Variants in CASD1 observed in about 807,000 individuals in gnomAD.
CASD1 encodes the protein N-acetylneuraminate (7)9-O-acetyltransferase.
CASD1 carries 41 observed loss-of-function variants against 100.0 expected under a neutral mutation model. The observed-to-expected ratio is 0.41, with a 90% CI of 0.32 to 0.53. The LOEUF (loss-of-function observed/expected upper bound fraction) is 0.53, where lower values mean the gene tolerates loss of function less well. Among genes scored for constraint, CASD1 ranks in the 20% least tolerant of loss-of-function variants. The pLI, the probability that CASD1 is intolerant of heterozygous loss-of-function variation, is 0.25. For missense variants in CASD1, 774 were observed against 948.7 expected, an observed-to-expected ratio of 0.82 and a Z score of 2.42; for synonymous variants, 321 against 315.6, an observed-to-expected ratio of 1.02 and a Z score of -0.18.
At chr7:94,557,476 T>G (rs972054550), downstream of CASD1, among the ~76,000 whole-genome samples, 2 of 152,120 alleles carry the variant, frequency 1.3e-5, no homozygotes, top group African/African-American at 4.8e-5. Context: ...GTGATCACAT[T>G]ATTCTTGTTC....
intron 5 of CASD1, among the ~76,000 whole-genome samples, chr7:94,532,356 AAAATAGGGGTT>A (rs1333956563): frequency 5.9e-5 from 9 of 152,116 alleles, no homozygotes; most frequent in Non-Finnish European, 1.2e-4. Context: ...ATTATTGAGT[AAAATAGGGGTT>A]ACTTTAACAC....
chr7:94,566,267 A>G, the CASD1 span, among the ~76,000 whole-genome samples: 1 of 152,224 alleles, frequency 6.6e-6, no homozygotes, highest in Admixed American at 6.5e-5. Flanking sequence ...GAAAATTCTT[A>G]GTACAGTGTA....
At chr7:94,523,247 G>A (rs1459682894) in intron 3 of CASD1, among the ~76,000 whole-genome samples, 1 of 152,096 alleles carries the variant, frequency 6.6e-6, no homozygotes, top group Admixed American at 6.5e-5. Flanking sequence ...GAAATAAACT[G>A]AGGAGTTCAT....
the CASD1 span, chr7:94,623,644 T>C: frequency 3.4e-3 from 1,689 of 493,384 alleles, 31 homozygotes; most frequent in African/African-American, 0.03. Context: ...GACTCTTTCA[T>C]AGAAGGCCAT....
rs370344574 is a variant in CASD1 at position 94,552,422 on chromosome 7, G to T, written c.2029G>T (p.Val677Leu). ...CNELHPSVSV[V>L]QILAFILIRN... ...TGAACTCCATCCGTCTGTTTCTGTG[G>T]TACAGGTACTATCTTGATTTAGAGA... Residue 677 changes from valine (V) to leucine (L), a missense_variant, in exon 16 of 18, where the codon GTA (valine) becomes TTA (leucine). By Grantham distance (32) the Val-to-Leu change is conservative. Transcript: ENST00000297273. The T allele has an allele frequency of 3.9e-5, 62 of 1,602,346 alleles. No individual in the cohort carries two copies. Among genetic ancestry groups the T allele is most frequent in the Non-Finnish European group, 5.3e-5 (62 of 1,175,726 alleles).
the CASD1 span, chr7:94,600,969 T>C: frequency 4.5e-6 from 4 of 894,528 alleles, no homozygotes; most frequent in Non-Finnish European, 7.1e-6. Context: ...AAAGCCATCT[T>C]TTCCAATTAC....
chr7:94,545,797 G>T, intron 12 of CASD1, 96 bp downstream of exon 12: 2 of 701,836 alleles, frequency 2.8e-6, no homozygotes, highest in Non-Finnish European at 4.4e-6. Context: ...ATTAAGTGAT[G>T]TAGACAGTTT....
At chr7:94,590,707 A>T in the CASD1 span, 13 of 152,168 alleles carry the variant, frequency 8.5e-5, no homozygotes, top group Non-Finnish European at 1.5e-4. Flanking sequence ...GATAAATGTG[A>T]GGTTGCCTGG....
At chr7:94,620,386 A>C in the CASD1 span, 1 of 152,114 alleles carries the variant, frequency 6.6e-6, no homozygotes, top group African/African-American at 2.4e-5. Context: ...ATTTTGTTAG[A>C]TTTCCTTAAT....
chr7:94,588,186 T>C, the CASD1 span: 50 of 1,079,570 alleles, frequency 4.6e-5, no homozygotes, highest in Non-Finnish European at 5.5e-5. Flanking sequence ...CCAAGGAGAA[T>C]TGTCCGCCAT....
chr7:94,601,245 C>T, the CASD1 span, among the ~76,000 whole-genome samples: 1 of 151,324 alleles, frequency 6.6e-6, no homozygotes, highest in Non-Finnish European at 1.5e-5. Context: ...TTTACCAAAC[C>T]TAAAACTGGC....
At chr7:94,610,809 A>G in the CASD1 span, among the ~76,000 whole-genome samples, 17 of 152,340 alleles carry the variant, frequency 1.1e-4, no homozygotes, top group Admixed American at 9.8e-4. Context: ...TTAATCAAAA[A>G]ATGAATAATT....
intron 3 of CASD1, among the ~76,000 whole-genome samples, chr7:94,520,813 C>T (rs1187833931): frequency 3.3e-5 from 5 of 151,716 alleles, no homozygotes; most frequent in Non-Finnish European, 4.4e-5. Context: ...AAAATAAGGC[C>T]GGGTGTGGTG....
chr7:94,528,305 C>A, intron 5 of CASD1, 55 bp downstream of exon 5: 1 of 1,264,154 alleles, frequency 7.9e-7, no homozygotes, highest in Non-Finnish European at 1.1e-6. Flanking sequence ...TCCCTTTACA[C>A]AAGCATATTT....
At chr7:94,560,484 TA>T (rs1040838587), downstream of CASD1, among the ~76,000 whole-genome samples, 1 of 152,106 alleles carries the variant, frequency 6.6e-6, no homozygotes, top group Non-Finnish European at 1.5e-5. Context: ...ACTACAAAAT[TA>T]AAAATGGAAA....
At chr7:94,520,216 G>C (rs1794191697) in intron 3 of CASD1, among the ~76,000 whole-genome samples, 1 of 152,142 alleles carries the variant, frequency 6.6e-6, no homozygotes, top group Non-Finnish European at 1.5e-5. Context: ...ACACCTTGAG[G>C]ACAGAAATTA....
the CASD1 span, chr7:94,627,950 CTCTTT>C: frequency 2.4e-6 from 1 of 420,090 alleles, no homozygotes; most frequent in South Asian, 3.7e-5. Context: ...TTATAATAAT[CTCTTT>C]TAAGGTCATA....
the CASD1 span, among the ~76,000 whole-genome samples, chr7:94,573,351 G>A: frequency 1.4e-4 from 21 of 152,128 alleles, no homozygotes; most frequent in Non-Finnish European, 2.5e-4. Flanking sequence ...GGTCCTTCCC[G>A]TCCATGAGCA....
the CASD1 span, among the ~76,000 whole-genome samples, chr7:94,632,809 A>G: frequency 6.6e-6 from 1 of 152,052 alleles, no homozygotes; most frequent in Non-Finnish European, 1.5e-5. Context: ...CAAAAACAAC[A>G]AATGACACAG....
Sources: gnomAD v4.1 joint callset for allele counts (sites outside exome capture counted in the v4.1 genomes callset) on GRCh38, gnomAD v4.1.1 for gene constraint, MANE v1.5 for transcripts, NCBI Gene and HGNC (gene_info 2026-07-23, HGNC 2026-07-21) for gene names.